MAX: variants seen among roughly 807,000 people sequenced by gnomAD.
MAX encodes MYC associated transcriptional regulator X, also known as protein max.
Under a neutral mutation model 22.3 loss-of-function variants are expected in MAX, and 3 were observed. That is an observed-to-expected ratio of 0.13 (90% confidence interval 0.06 to 0.35). MAX has a LOEUF of 0.35. Ranked by LOEUF, MAX falls within the 10% of genes least tolerant of loss-of-function variation. The pLI, the probability that MAX is intolerant of heterozygous loss-of-function variation, is 1.00. For missense variants in MAX, 119 were observed against 209.4 expected (o/e 0.57, Z 2.66); for synonymous variants, 72 against 77.7 (o/e 0.93, Z 0.39).
chr14:65,100,282 T>A (rs2063794015), intron 2 of MAX, among the ~76,000 whole-genome samples: 1 of 152,056 alleles, frequency 6.6e-6, no homozygotes, highest in Non-Finnish European at 1.5e-5. Context: ...AAACCCCGTC[T>A]CTACTAAAAA....
At chr14:65,006,613 C>T (rs556819474) in intron 3 of MAX, among the ~76,000 whole-genome samples, 40 of 152,126 alleles carry the variant, frequency 2.6e-4, no homozygotes, top group Admixed American at 7.9e-4. Context: ...TGTGGTTGTA[C>T]CCCCGATGAC....
Position 65,054,734 on chromosome 14 carries a change from C to G in MAX, c.171+38974G>C. The G allele has an allele frequency of 6.4e-7, 1 of 1,556,804 alleles. No individual in the cohort carries two copies. The highest frequency in any genetic ancestry group is 8.7e-7 in the Non-Finnish European group (1 of 1,146,728). ...TCACACCCCTTCTCCACAGGGACCT[C>G]GCGGACAGAAGGCTTTCCAAGTAAG... On this transcript the variant is annotated intron_variant, in intron 3 of 3. Coordinates refer to the MAX transcript ENST00000341653. The surrounding 1 kb of genome is among the most constrained non-coding windows in gnomAD (Gnocchi z 4.4).
chr14:65,054,775 A>T lies in MAX; in HGVS notation c.171+38933T>A. On this transcript the variant is annotated intron_variant, in intron 3 of 3. Transcript: ENST00000341653. The surrounding 1 kb of genome is among the most constrained non-coding windows in gnomAD (Gnocchi z 4.4). Reference sequence around the variant, plus strand: ...TCCAAGTAAGCAGAACTGGCTCTGCATTTCCTGTGTGGACAGGCGGAAGCT... The same window carrying T: ...TCCAAGTAAGCAGAACTGGCTCTGCTTTTCCTGTGTGGACAGGCGGAAGCT... 1 of 1,412,080 alleles carries T rather than the reference A, an allele frequency of 7.1e-7. No individual in the cohort carries two copies. The highest frequency in any genetic ancestry group is 9.7e-7 in the Non-Finnish European group (1 of 1,029,442). The allele number at this position is 1,412,080 out of a possible 1,614,324, so 87.5% of individuals were successfully genotyped here. A position where few individuals can be genotyped will look rare whatever the true frequency, so the allele number is the denominator to read the frequency against.
chr14:65,068,962 G>A (rs962254454), intron 3 of MAX, among the ~76,000 whole-genome samples: 1 of 152,200 alleles, frequency 6.6e-6, no homozygotes, highest in Non-Finnish European at 1.5e-5. Flanking sequence ...CCAGGGCAGG[G>A]TTCAATGTCA....
intron 3 of MAX, among the ~76,000 whole-genome samples, chr14:65,008,219 C>T (rs1024744269): frequency 1.3e-5 from 2 of 152,216 alleles, no homozygotes; most frequent in African/African-American, 2.4e-5. Context: ...CCCCAGGAAC[C>T]AGCAATGGAC....
At chr14:65,045,331 T>G (rs2062451357) in intron 3 of MAX, among the ~76,000 whole-genome samples, 1 of 152,140 alleles carries the variant, frequency 6.6e-6, no homozygotes, top group Admixed American at 6.5e-5. Flanking sequence ...ATAATGTAAC[T>G]GCTCAAATGT....
intron 3 of MAX, among the ~76,000 whole-genome samples, chr14:65,040,535 G>C (rs778336676): frequency 2.0e-5 from 3 of 150,308 alleles, no homozygotes; most frequent in African/African-American, 7.4e-5. Context: ...CGAACTCCTC[G>C]CCTCAAGTGA....
intron 1 of MAX, 137 bp from the exon 2 acceptor site, chr14:65,101,709 C>T (rs1566634209): frequency 3.3e-5 from 23 of 693,834 alleles, no homozygotes; most frequent in Non-Finnish European, 4.6e-5. Flanking sequence ...TCCTCCCTCC[C>T]CACCCCTTGC....
At chr14:65,096,231 G>A (rs2063672103) in intron 2 of MAX, among the ~76,000 whole-genome samples, 1 of 152,080 alleles carries the variant, frequency 6.6e-6, no homozygotes, top group South Asian at 2.1e-4. Context: ...GCAGAAGAGT[G>A]GAATCTTACA....
chr14:65,039,285 T>C (rs1030234001), intron 3 of MAX, among the ~76,000 whole-genome samples: 7 of 152,174 alleles, frequency 4.6e-5, no homozygotes, highest in Non-Finnish European at 8.8e-5. Flanking sequence ...TTGTGTGAAA[T>C]ACACAGAGGA....
chr14:65,050,162 A>G (rs1196810914), intron 3 of MAX, among the ~76,000 whole-genome samples: 2 of 152,224 alleles, frequency 1.3e-5, no homozygotes, highest in Non-Finnish European at 2.9e-5. Context: ...CCAAACAGAC[A>G]CCATCATAAG....
intron 2 of MAX, among the ~76,000 whole-genome samples, chr14:65,099,848 T>G (rs892172125): frequency 5.3e-5 from 8 of 152,254 alleles, no homozygotes; most frequent in Admixed American, 2.6e-4. Flanking sequence ...TAATGACTAT[T>G]ACCCAGGGAT....
chr14:65,071,005 T>C (rs144180308), downstream of MAX, among the ~76,000 whole-genome samples: 8 of 152,380 alleles, frequency 5.3e-5, no homozygotes, highest in East Asian at 1.5e-3. This position sits in a 1 kb window ranked among gnomAD's most constrained non-coding sequence, Gnocchi z 4.2. Flanking sequence ...AACAGATTTG[T>C]GGTCTTGCTC....
chr14:65,076,528 G>C lies in MAX; in HGVS notation c.431C>G (p.Ser144Cys), dbSNP rs1181165143. 6.2e-7 allele frequency: 1 copy of C among 1,614,086 alleles called. No individual in the cohort carries two copies. Among genetic ancestry groups the C allele is most frequent in the South Asian group, 1.1e-5 (1 of 91,064 alleles). The change falls in exon 5 of 5, where the codon TCT (serine) becomes TGT (cysteine). Residue 144 changes from serine to cysteine, a missense_variant. Around this residue, in one of 3 missense-constraint regions of MAX, gnomAD observed 95 missense variants for 148.1 expected, o/e 0.64. Transcript: ENST00000358664. The surrounding 1 kb of genome is among the most constrained non-coding windows in gnomAD (Gnocchi z 6.6). ...FDGGSDSSSE[S>C]EPEEPQSRKK... Reference sequence around the variant, plus strand: ...CCTGCTTTGGGGCTCTTCAGGCTCAGACTCCGAGCTGGAGTCCGAGCCCCC... The same window carrying C: ...CCTGCTTTGGGGCTCTTCAGGCTCACACTCCGAGCTGGAGTCCGAGCCCCC...
intron 3 of MAX, among the ~76,000 whole-genome samples, chr14:65,018,827 A>AG (rs1251024232): frequency 6.9e-6 from 1 of 145,480 alleles, no homozygotes; most frequent in East Asian, 2.1e-4. Flanking sequence ...AAAAAAAAAA[A>AG]AGGCCAGGCG....
intron 3 of MAX, among the ~76,000 whole-genome samples, chr14:65,015,982 G>A (rs1162721569): frequency 2.0e-5 from 3 of 152,126 alleles, no homozygotes; most frequent in African/African-American, 7.2e-5. Context: ...CTTGACTCTG[G>A]TCTTTGAGAA....
intron 3 of MAX, among the ~76,000 whole-genome samples, chr14:65,051,161 A>C (rs183323883): frequency 3.9e-5 from 6 of 152,324 alleles, no homozygotes; most frequent in Admixed American, 2.0e-4. Context: ...TTCAGGGCTG[A>C]GTGCGACTCA....
At chr14:65,081,692 G>A (rs549756147) in intron 3 of MAX, among the ~76,000 whole-genome samples, 1 of 152,312 alleles carries the variant, frequency 6.6e-6, no homozygotes, top group East Asian at 1.9e-4. Context: ...TGGGTACTCA[G>A]TAAAAGCCTG....
chr14:65,026,198 C>CT (rs1458565822), intron 3 of MAX, among the ~76,000 whole-genome samples: 2 of 152,320 alleles, frequency 1.3e-5, no homozygotes, highest in East Asian at 1.9e-4. Context: ...GGCGGGAAGG[C>CT]TGTGACCCTG....
Sources: gnomAD v4.1 joint callset for allele counts (sites outside exome capture counted in the v4.1 genomes callset) on GRCh38, gnomAD v4.1.1 for gene constraint, gnomAD v4.1.1 regional missense constraint, Gnocchi (gnomAD v3.1) non-coding constraint, MANE v1.5 for transcripts, NCBI Gene and HGNC (gene_info 2026-07-23, HGNC 2026-07-21) for gene names.